IRF2: variants seen among roughly 807,000 people sequenced by gnomAD.
IRF2 encodes the protein interferon regulatory factor 2.
IRF2 carries 15 observed loss-of-function variants against 40.6 expected under a neutral mutation model. The observed-to-expected ratio is 0.37, with a 90% CI of 0.25 to 0.57. The LOEUF (loss-of-function observed/expected upper bound fraction) is 0.57, where lower values mean the gene tolerates loss of function less well. IRF2 is among the 20% of genes least tolerant of loss of function. IRF2 has a pLI of 0.77. For missense variants in IRF2, 317 were observed against 455.7 expected, an observed-to-expected ratio of 0.70 and a Z score of 2.77; for synonymous variants, 151 against 165.5, an observed-to-expected ratio of 0.91 and a Z score of 0.67.
chr4:184,466,116 T>C (rs1202131130), intron 1 of IRF2, among the ~76,000 whole-genome samples: 1 of 151,032 alleles, frequency 6.6e-6, no homozygotes, highest in African/African-American at 2.4e-5. Context: ...GCTGGTGCGA[T>C]CTCGGCTCAC....
chr4:184,390,133 A>AC (rs922478291), intron 8 of IRF2, among the ~76,000 whole-genome samples: 4 of 151,580 alleles, frequency 2.6e-5, no homozygotes, highest in African/African-American at 9.7e-5. Flanking sequence ...TCAAGCGCAG[A>AC]CCCCCAGCAG....
chr4:184,435,632 G>A (rs1463682442), intron 1 of IRF2, among the ~76,000 whole-genome samples: 3 of 152,206 alleles, frequency 2.0e-5, no homozygotes, highest in East Asian at 1.9e-4. Flanking sequence ...GGCTGCTGTC[G>A]TCCTAGCGCA....
At chr4:184,416,583 A>G (rs779515255) in intron 5 of IRF2, among the ~76,000 whole-genome samples, 1 of 152,192 alleles carries the variant, frequency 6.6e-6, no homozygotes, top group African/African-American at 2.4e-5. Context: ...ATTCACTGAT[A>G]TTGAGAAATT....
intron 5 of IRF2, among the ~76,000 whole-genome samples, chr4:184,414,411 G>A (rs751487773): frequency 2.6e-5 from 4 of 152,186 alleles, no homozygotes; most frequent in Non-Finnish European, 5.9e-5. Flanking sequence ...GTGCAATCAC[G>A]GCTCACTGCA....
intron 1 of IRF2, among the ~76,000 whole-genome samples, chr4:184,454,643 C>A (rs1366801608): frequency 3.3e-5 from 5 of 152,156 alleles, no homozygotes; most frequent in Non-Finnish European, 7.4e-5. Context: ...CTCTGCCAAC[C>A]CCTCCCAGGA....
At position 184,419,571 on chromosome 4, in the gene IRF2, G is replaced by GAAAAAAAAAAAAA; in HGVS notation, c.88-16_88-4dup. On this transcript the variant is annotated splice_polypyrimidine_tract_variant and splice_region_variant and intron_variant, in intron 2 of 8. Coordinates refer to ENST00000393593, the MANE Select transcript of IRF2 (RefSeq NM_002199.4). ...GGGATCTGAAAAATCTTCTTTTCCT[G>GAAAAAAAAAAAAA]AAAAAAAAAAAAAAAAAAAAGGTAA... 1 of 911,526 alleles carries GAAAAAAAAAAAAA rather than the reference G, an allele frequency of 1.1e-6. No individual in the cohort carries two copies. Among genetic ancestry groups the GAAAAAAAAAAAAA allele is most frequent in the Admixed American group, 2.7e-5 (1 of 36,716 alleles). 56.5% of individuals were successfully genotyped at this position (911,526 alleles called of 1,614,324 possible). A position where few individuals can be genotyped will look rare whatever the true frequency, so the allele number is the denominator to read the frequency against.
chr4:184,447,955 G>T (rs72703792), intron 1 of IRF2, among the ~76,000 whole-genome samples: 2 of 152,142 alleles, frequency 1.3e-5, no homozygotes, highest in African/African-American at 4.8e-5. Flanking sequence ...CTCACACAGC[G>T]GTGCTAGTTT....
intron 7 of IRF2, 60 bp downstream of exon 7, chr4:184,398,855 T>TCACGC: frequency 1.3e-6 from 2 of 1,497,046 alleles, no homozygotes; most frequent in Non-Finnish European, 1.8e-6. Flanking sequence ...TGGGTGACCC[T>TCACGC]AGACCAAAGG....
chr4:184,407,319 TCTC>T, intron 6 of IRF2: 1 of 1,160,402 alleles, frequency 8.6e-7, no homozygotes. Flanking sequence ...AGTTTTTTCT[TCTC>T]CTTCCCCTTA....
chr4:184,415,839 G>A (rs981085074), intron 5 of IRF2, among the ~76,000 whole-genome samples: 3 of 152,262 alleles, frequency 2.0e-5, no homozygotes, highest in East Asian at 1.9e-4. Context: ...CAACAAATGC[G>A]GATGCATCTA....
chr4:184,451,815 G>A (rs576650349), intron 1 of IRF2, among the ~76,000 whole-genome samples: 1 of 152,198 alleles, frequency 6.6e-6, no homozygotes, highest in East Asian at 1.9e-4. Flanking sequence ...AATGTTCCCT[G>A]GGGCCCTTCC....
intron 1 of IRF2, among the ~76,000 whole-genome samples, chr4:184,442,967 C>A (rs779784340): frequency 2.4e-4 from 36 of 152,034 alleles, no homozygotes; most frequent in Non-Finnish European, 5.0e-4. Flanking sequence ...CTCTTGTCAC[C>A]CAGGCTGGAG....
chr4:184,465,492 A>AC (rs1739287442), intron 1 of IRF2, among the ~76,000 whole-genome samples: 1 of 151,900 alleles, frequency 6.6e-6, no homozygotes, highest in Non-Finnish European at 1.5e-5. Flanking sequence ...CAAGAAGGAA[A>AC]AAAAAAGCCA....
chr4:184,398,655 C>CAAAAA (rs755314172), intron 7 of IRF2, among the ~76,000 whole-genome samples: 2 of 146,912 alleles, frequency 1.4e-5, no homozygotes, highest in Non-Finnish European at 3.0e-5. Context: ...GACTCTGTCT[C>CAAAAA]AAAAAAAAAA....
At chr4:184,443,959 A>C (rs1488707442) in intron 1 of IRF2, among the ~76,000 whole-genome samples, 2 of 152,196 alleles carry the variant, frequency 1.3e-5, no homozygotes, top group African/African-American at 4.8e-5. Context: ...ATTCCTAATA[A>C]GTGATTAGGC....
chr4:184,432,040 G>A (rs180976153), intron 1 of IRF2: 2 of 152,260 alleles, frequency 1.3e-5, no homozygotes, highest in African/African-American at 2.4e-5. Flanking sequence ...AGTTTTAAAC[G>A]GAAACAGTAG....
intron 5 of IRF2, among the ~76,000 whole-genome samples, chr4:184,417,615 C>T (rs1334819693): frequency 6.6e-6 from 1 of 152,178 alleles, no homozygotes; most frequent in Non-Finnish European, 1.5e-5. Context: ...ACATGCACAT[C>T]CCATGGAAAA....
At chr4:184,401,384 T>C (rs990926377) in intron 6 of IRF2, among the ~76,000 whole-genome samples, 1 of 152,162 alleles carries the variant, frequency 6.6e-6, no homozygotes, top group African/African-American at 2.4e-5. Flanking sequence ...GAAAGGGGAT[T>C]TGGGGCTGTG....
chr4:184,444,221 AG>A (rs1738419924), intron 1 of IRF2, among the ~76,000 whole-genome samples: 1 of 152,192 alleles, frequency 6.6e-6, no homozygotes, highest in African/African-American at 2.4e-5. Flanking sequence ...TCTCATATAC[AG>A]TATAGTGATA....
Sources: allele counts gnomAD v4.1 joint callset (sites outside exome capture counted in the v4.1 genomes callset), GRCh38; gene constraint gnomAD v4.1.1; transcripts MANE v1.5; gene names NCBI Gene and HGNC (gene_info 2026-07-23, HGNC 2026-07-21).